Variants in BEAN1 observed in about 807,000 individuals in gnomAD.
The protein encoded by BEAN1 is protein BEAN1.
BEAN1 carries 17 observed loss-of-function variants against 17.7 expected under a neutral mutation model. The observed-to-expected ratio is 0.96, with a 90% CI of 0.66 to 1.44. The LOEUF is 1.44. Among genes scored for constraint, BEAN1 ranks in the 40% most tolerant of loss-of-function variants. BEAN1 has a pLI of 0.00. For synonymous variants in BEAN1, 142 were observed against 151.8 expected (o/e 0.94, Z 0.47); for missense variants, 359 against 374.1 (o/e 0.96, Z 0.33).
chr16:66,450,842 T>G (rs1380056667), intron 2 of BEAN1, among the ~76,000 whole-genome samples: 1 of 152,230 alleles, frequency 6.6e-6, no homozygotes, highest in African/African-American at 2.4e-5. Flanking sequence ...TCAAAAGCAC[T>G]GATAATATGA....
intron 1 of BEAN1, among the ~76,000 whole-genome samples, chr16:66,428,797 C>T (rs1229016923): frequency 3.3e-5 from 5 of 152,130 alleles, no homozygotes. Context: ...AAGTGGTGCT[C>T]CCAGCCCCCT....
intron 4 of BEAN1, among the ~76,000 whole-genome samples, chr16:66,489,849 G>A (rs769180934): frequency 3.9e-5 from 6 of 152,030 alleles, no homozygotes; most frequent in African/African-American, 1.2e-4. Context: ...ATCTATTTTC[G>A]AGTAGAACTC....
Position 66,490,462 on chromosome 16 carries a change from TAA to T in BEAN1, c.148-2496_148-2495del, listed in dbSNP as rs1177700297. 3.1e-4 allele frequency among the ~76,000 whole-genome samples: 37 copies of T among 117,532 alleles called. 1 individual carries two copies. Among genetic ancestry groups the T allele is most frequent in the South Asian group, 5.1e-4 (2 of 3,942 alleles). The allele number at this position is 117,532 out of a possible 152,430, so 77.1% of individuals were successfully genotyped here. On this transcript the variant is annotated intron_variant, in intron 4 of 4. Transcript: ENST00000561796. ...AATAAAATAAAATAAAATAATAAAA[TAA>T]AAAGAAACCTCTAAATTGATTGAGA...
At chr16:66,463,718 G>T (rs1963167646) in intron 2 of BEAN1, among the ~76,000 whole-genome samples, 1 of 152,106 alleles carries the variant, frequency 6.6e-6, no homozygotes, top group African/African-American at 2.4e-5. Context: ...CCAAAATCAT[G>T]ACAACTTACC....
rs745985399 is a variant in BEAN1 at position 66,477,540 on chromosome 16, C to T, written c.290-20C>T. On this transcript the variant is annotated intron_variant, in intron 3 of 4. Coordinates refer to ENST00000536005, the MANE Select transcript of BEAN1 (RefSeq NM_001178020.3). ...CTGGATCCTGGTCTGAGGCCCAGGCCGGTGGTCTGTTCCCTGCAGTGTCGG... is the reference window on the plus strand; with the variant it reads ...CTGGATCCTGGTCTGAGGCCCAGGCTGGTGGTCTGTTCCCTGCAGTGTCGG... The T allele has an allele frequency of 7.2e-5, 110 of 1,519,934 alleles. No homozygotes were observed. Among genetic ancestry groups the T allele is most frequent in the African/African-American group, 9.7e-5 (7 of 72,442 alleles). The allele number at this position is 1,519,934 out of a possible 1,614,324, so 94.2% of individuals were successfully genotyped here.
intron 2 of BEAN1, among the ~76,000 whole-genome samples, chr16:66,458,501 C>T (rs1962957776): frequency 6.6e-6 from 1 of 152,014 alleles, no homozygotes; most frequent in Admixed American, 6.6e-5. Flanking sequence ...AGAGGGCAAG[C>T]GGCATGCCGA....
At chr16:66,468,587 C>T (rs1030459474) in intron 2 of BEAN1, among the ~76,000 whole-genome samples, 5 of 152,288 alleles carry the variant, frequency 3.3e-5, no homozygotes, top group Admixed American at 1.3e-4. Flanking sequence ...TTAGCTCTGC[C>T]GTGGAGTAAC....
chr16:66,434,735 G>A lies in BEAN1; in HGVS notation c.-82-2860G>A, dbSNP rs1483367231. Among the ~76,000 whole-genome samples the A allele has an allele frequency of 6.6e-6, 1 of 152,130 alleles. No individual in the cohort carries two copies. Among genetic ancestry groups the A allele is most frequent in the Non-Finnish European group, 1.5e-5 (1 of 68,028 alleles). The stretch of plus-strand genomic sequence containing the variant: ...CCAATGGTGACAAGATGCCTGGGAA[G>A]CATCTCAGCTTTTTGCATAGAGATC... On this transcript the variant is annotated intron_variant, in intron 1 of 4. Transcript: ENST00000536005. This position sits in a 1 kb window ranked among gnomAD's most constrained non-coding sequence, Gnocchi z 4.3.
chr16:66,493,629 G>A (rs1964208368), downstream of BEAN1: 3 of 505,340 alleles, frequency 5.9e-6, no homozygotes, highest in African/African-American at 5.8e-5. Flanking sequence ...ACCGCCTCAG[G>A]GTGCAGCAGG....
At chr16:66,430,221 T>C (rs1234285326) in intron 1 of BEAN1, among the ~76,000 whole-genome samples, 2 of 152,230 alleles carry the variant, frequency 1.3e-5, no homozygotes, top group African/African-American at 4.8e-5. Context: ...AGATAGCACA[T>C]AGCCATGTCC....
At chr16:66,488,531 A>ACC (rs1555522815) in intron 4 of BEAN1, among the ~76,000 whole-genome samples, 2 of 147,744 alleles carry the variant, frequency 1.4e-5, no homozygotes, top group African/African-American at 5.1e-5. Flanking sequence ...AAAAAAAAAA[A>ACC]AAAAAAAAAC....
At chr16:66,443,867 G>C (rs1385843357) in intron 2 of BEAN1, among the ~76,000 whole-genome samples, 1 of 152,012 alleles carries the variant, frequency 6.6e-6, no homozygotes, top group Non-Finnish European at 1.5e-5. Context: ...GTAGAGATGG[G>C]GTTTCACCAT....
rs369804470 is a variant in BEAN1, at chr16:66,470,171, G to A, written c.289+306G>A. ...CAAGGGCTGGTCCATCTGGTGTCTC[G>A]ATGGATGGATGGATGGATGGATGGA... On this transcript the variant is annotated intron_variant, in intron 3 of 4. Coordinates refer to ENST00000536005, the MANE Select transcript of BEAN1 (RefSeq NM_001178020.3). The A allele has an allele frequency of 8.8e-5, 18 of 205,174 alleles. No homozygotes were observed. In the African/African-American group the frequency reaches 1.7e-3, roughly 19 times the overall value. The allele number at this position is 205,174 out of a possible 1,614,324, so 12.7% of individuals were successfully genotyped here.
chr16:66,469,844 CGA>C lies in BEAN1; in HGVS notation c.272_273del (p.Glu91ValfsTer38), dbSNP rs1567502223. The C allele has an allele frequency of 6.5e-7, 1 of 1,535,086 alleles. No homozygotes were observed. The highest frequency in any genetic ancestry group is 1.2e-5 in the South Asian group (1 of 83,938). On this transcript the variant is annotated frameshift_variant, in exon 3 of 5. Coordinates refer to ENST00000536005, the MANE Select transcript of BEAN1 (RefSeq NM_001178020.3). LOFTEE classifies it high-confidence loss of function. ...HHHHHRRRRH[R>X]EYEHGYVSDE... ...TCATCACCACCGCCGGCGTCGACAC[CGA>C]GAGTACGAGCACGGCTACGGTGAGC...
At chr16:66,452,233 T>C (rs967972057) in intron 2 of BEAN1, among the ~76,000 whole-genome samples, 6 of 152,208 alleles carry the variant, frequency 3.9e-5, no homozygotes, top group African/African-American at 1.4e-4. Context: ...TGAAGTAACA[T>C]ACTATGCTAA....
At chr16:66,430,210 C>T (rs75862584) in intron 1 of BEAN1, among the ~76,000 whole-genome samples, 142 of 152,368 alleles carry the variant, frequency 9.3e-4, no homozygotes, top group Admixed American at 3.3e-3. Context: ...AAATCATATA[C>T]AGATAGCACA....
Position 66,480,812 on chromosome 16 carries a change from G to A in BEAN1, c.667G>A (p.Gly223Ser), listed in dbSNP as rs1963959687. 3 of 1,542,424 alleles carry A rather than the reference G, an allele frequency of 1.9e-6. No homozygotes were observed. The South Asian group carries it at 3.6e-5, about 19-fold the overall frequency. ...LPPYEAVCGAGPPSGLLPLPG... is the reference protein window; with the variant it reads ...LPPYEAVCGASPPSGLLPLPG... Reference sequence around the variant, plus strand: ...CCCCTACGAGGCTGTGTGCGGGGCTGGCCCCCCATCAGGCCTGCTGCCACT... The same window carrying A: ...CCCCTACGAGGCTGTGTGCGGGGCTAGCCCCCCATCAGGCCTGCTGCCACT... Residue 223 changes from glycine to serine, a missense_variant, in exon 5 of 5, where the codon GGC becomes AGC. Transcript: ENST00000536005.
intron 1 of BEAN1, among the ~76,000 whole-genome samples, chr16:66,435,040 G>A (rs76321199): frequency 0.012 from 1,885 of 152,242 alleles, 15 homozygotes; most frequent in Non-Finnish European, 0.02. Context: ...AGTCAAGGAG[G>A]ACCTCACTGA....
intron 2 of BEAN1, among the ~76,000 whole-genome samples, chr16:66,453,342 T>TACACACACACACACAC (rs34867737): frequency 1.2e-4 from 18 of 147,732 alleles, no homozygotes; most frequent in African/African-American, 4.5e-4. Flanking sequence ...CATTCTGTTA[T>TACACACACACACACAC]ACACACACAC....
Sources: gnomAD v4.1 joint callset for allele counts (sites outside exome capture counted in the v4.1 genomes callset) on GRCh38, gnomAD v4.1.1 for gene constraint, Gnocchi (gnomAD v3.1) non-coding constraint, MANE v1.5 for transcripts, NCBI Gene and HGNC (gene_info 2026-07-23, HGNC 2026-07-21) for gene names.